KCND3: variants seen among roughly 807,000 people sequenced by gnomAD.
The protein encoded by KCND3 is A-type voltage-gated potassium channel KCND3.
In KCND3, 9 loss-of-function variants were observed where a neutral mutation model predicts 51.1. The observed-to-expected ratio is 0.18, with a 90% CI of 0.11 to 0.31. The LOEUF (loss-of-function observed/expected upper bound fraction) is 0.31. Among genes scored for constraint, KCND3 ranks in the 10% least tolerant of loss-of-function variants. The probability of loss-of-function intolerance (pLI) is 1.00; values close to 1 mark genes in which losing one functional copy is unlikely to be tolerated. For synonymous variants in KCND3, 349 were observed against 368.0 expected (o/e 0.95, Z 0.59); for missense variants, 526 against 903.8 (o/e 0.58, Z 5.36).
chr1:111,826,005 T>A (rs1383727973), intron 2 of KCND3, among the ~76,000 whole-genome samples: 2 of 152,158 alleles, frequency 1.3e-5, no homozygotes, highest in African/African-American at 4.8e-5. Flanking sequence ...AAAATCAAAG[T>A]CTTTGCTAAT....
chr1:111,905,697 C>T (rs1051874189), intron 2 of KCND3, among the ~76,000 whole-genome samples: 2 of 152,222 alleles, frequency 1.3e-5, no homozygotes, highest in African/African-American at 4.8e-5. Context: ...ATGCTTCCTT[C>T]AGGAGCCTTG....
chr1:111,904,229 T>G (rs922885136), intron 2 of KCND3, among the ~76,000 whole-genome samples: 10 of 151,872 alleles, frequency 6.6e-5, no homozygotes, highest in African/African-American at 2.4e-4. Flanking sequence ...TGCCCTGGGC[T>G]CTGCCTCTGG....
intron 2 of KCND3, among the ~76,000 whole-genome samples, chr1:111,802,088 C>A (rs1193408539): frequency 6.6e-6 from 1 of 152,262 alleles, no homozygotes; most frequent in Non-Finnish European, 1.5e-5. Context: ...AACTACCTCA[C>A]AGGGTTGTTA....
Position 111,772,837 on chromosome 1 carries a change from T to C in KCND3, c.*3240A>G, listed in dbSNP as rs1663975421. 6.6e-6 allele frequency: 1 copy of C among 152,258 alleles called. No homozygotes were observed. Among genetic ancestry groups the C allele is most frequent in the Non-Finnish European group, 1.5e-5 (1 of 68,048 alleles). The allele number at this position is 152,258 out of a possible 1,614,324, so 9.4% of individuals were successfully genotyped here. On this transcript the variant is annotated 3_prime_UTR_variant, in exon 8 of 8. Coordinates refer to ENST00000302127, the MANE Select transcript of KCND3 (RefSeq NM_001378969.1). ...AGGTGGTTTTGGGAATATTTTATTA[T>C]GTCAAAGTGGTTCATGAACTATGAA...
At chr1:111,882,511 C>T (rs1264726698) in intron 2 of KCND3, among the ~76,000 whole-genome samples, 2 of 152,176 alleles carry the variant, frequency 1.3e-5, no homozygotes, top group East Asian at 1.9e-4. Context: ...TGGTCTAGTC[C>T]TGCTTTGGGG....
At chr1:111,845,177 CA>C (rs1471591436) in intron 2 of KCND3, among the ~76,000 whole-genome samples, 2 of 152,302 alleles carry the variant, frequency 1.3e-5, no homozygotes, top group East Asian at 1.9e-4. Context: ...AAGTTTTTGG[CA>C]GCCTCTTTGC....
intron 2 of KCND3, among the ~76,000 whole-genome samples, chr1:111,951,774 ATAGAG>A (rs1375156664): frequency 2.6e-5 from 4 of 152,202 alleles, no homozygotes; most frequent in African/African-American, 9.7e-5. Flanking sequence ...GCTATTTTAG[ATAGAG>A]TAGTCTGGGA....
chr1:111,894,741 A>G (rs981773110), intron 2 of KCND3, among the ~76,000 whole-genome samples: 1 of 152,086 alleles, frequency 6.6e-6, no homozygotes, highest in African/African-American at 2.4e-5. Flanking sequence ...GTGTGTAGAG[A>G]AGGGGAGATG....
At chr1:111,906,777 T>C (rs969655322) in intron 2 of KCND3, among the ~76,000 whole-genome samples, 1 of 152,148 alleles carries the variant, frequency 6.6e-6, no homozygotes, top group Non-Finnish European at 1.5e-5. Context: ...GTCCACTCCT[T>C]AATCCAGTCT....
intron 2 of KCND3, among the ~76,000 whole-genome samples, chr1:111,816,407 C>T (rs184822892): frequency 2.4e-4 from 36 of 152,378 alleles, no homozygotes; most frequent in East Asian, 9.6e-4. Context: ...TGCGTGCATT[C>T]GCACGGAGCT....
At chr1:111,932,265 G>A (rs1384022905) in intron 2 of KCND3, among the ~76,000 whole-genome samples, 1 of 152,120 alleles carries the variant, frequency 6.6e-6, no homozygotes, top group Non-Finnish European at 1.5e-5. Flanking sequence ...ACATATCCAC[G>A]GGAGCAGGGG....
At chr1:111,881,792 T>C (rs555313972) in intron 2 of KCND3, among the ~76,000 whole-genome samples, 1 of 152,330 alleles carries the variant, frequency 6.6e-6, no homozygotes, top group South Asian at 2.1e-4. Flanking sequence ...CTTTAAACTA[T>C]AGTACCCCAC....
At chr1:111,960,175 A>G (rs1030349137) in intron 2 of KCND3, among the ~76,000 whole-genome samples, 1 of 152,162 alleles carries the variant, frequency 6.6e-6, no homozygotes, top group African/African-American at 2.4e-5. Context: ...CAGCATGAGA[A>G]CGGACTAATA....
intron 2 of KCND3, among the ~76,000 whole-genome samples, chr1:111,868,328 G>T (rs1668671859): frequency 6.6e-6 from 1 of 152,114 alleles, no homozygotes; most frequent in East Asian, 1.9e-4. Context: ...CAGCCATCTG[G>T]TTATCAGATA....
intron 2 of KCND3, among the ~76,000 whole-genome samples, chr1:111,944,233 G>C (rs1571883351): frequency 6.6e-6 from 1 of 152,338 alleles, no homozygotes; most frequent in East Asian, 1.9e-4. Flanking sequence ...GGGAGGCCCG[G>C]CTGAGGGGAG....
rs1157990245 is a variant in KCND3, at chr1:111,773,468, C to G, written c.*2609G>C. ...ACGGAGTCTTGCTGTGTCACCTGGGCTGGAGTGCAGTGGTGCAATCACGGC... is the reference window on the plus strand; with the variant it reads ...ACGGAGTCTTGCTGTGTCACCTGGGGTGGAGTGCAGTGGTGCAATCACGGC... On this transcript the variant is annotated 3_prime_UTR_variant, in exon 8 of 8. Transcript: ENST00000302127. 7.8e-6 allele frequency: 1 copy of G among 128,154 alleles called. No homozygotes were observed. The highest frequency in any genetic ancestry group is 1.5e-5 in the Non-Finnish European group (1 of 65,054). The allele number at this position is 128,154 out of a possible 1,614,324, so 7.9% of individuals were successfully genotyped here.
chr1:111,905,969 T>G (rs1290210199), intron 2 of KCND3, among the ~76,000 whole-genome samples: 1 of 152,212 alleles, frequency 6.6e-6, no homozygotes, highest in Non-Finnish European at 1.5e-5. Context: ...GTGAGTTGGA[T>G]GAGCTGTCAG....
intron 2 of KCND3, among the ~76,000 whole-genome samples, chr1:111,979,167 TG>T (rs1014094765): frequency 6.6e-6 from 1 of 152,204 alleles, no homozygotes; most frequent in African/African-American, 2.4e-5. Context: ...AGGGAAAGCA[TG>T]CTTCTCCCTA....
At chr1:111,987,820 G>A (rs1408280052) in intron 1 of KCND3, among the ~76,000 whole-genome samples, 2 of 152,142 alleles carry the variant, frequency 1.3e-5, no homozygotes, top group Non-Finnish European at 2.9e-5. Context: ...TTTTGTTTTT[G>A]GCAGAAGAGT....
Sources: allele counts gnomAD v4.1 joint callset (sites outside exome capture counted in the v4.1 genomes callset), GRCh38; gene constraint gnomAD v4.1.1; transcripts MANE v1.5; gene names NCBI Gene and HGNC (gene_info 2026-07-23, HGNC 2026-07-21).